The following DNAH8 variants were observed in gnomAD, a reference collection of about 807,000 sequenced individuals.
DNAH8 encodes axonemal beta dynein heavy chain 8.
A neutral mutation model predicts 562.1 loss-of-function variants in DNAH8; 382 were observed. The ratio of observed to expected loss-of-function variants is 0.68; its 90% CI spans 0.63 to 0.74. The LOEUF is 0.74. Among genes scored for constraint, DNAH8 ranks in the 30% least tolerant of loss-of-function variants. The pLI, the probability that DNAH8 is intolerant of heterozygous loss-of-function variation, is 0.00. For missense variants in DNAH8, 5,203 were observed against 5,620.4 expected (o/e 0.93, Z 2.37); for synonymous variants, 1,881 against 1,919.4 (o/e 0.98, Z 0.52).
chr6:38,880,382 G>T (rs1334058447), intron 53 of DNAH8, among the ~76,000 whole-genome samples: 2 of 152,152 alleles, frequency 1.3e-5, no homozygotes, highest in African/African-American at 4.8e-5. Context: ...TAAGGGGACA[G>T]ATCTTATTTA....
At chr6:38,789,697 G>A (rs974467190) in intron 18 of DNAH8, 106 bp from the exon 19 acceptor site, 19 of 738,750 alleles carry the variant, frequency 2.6e-5, no homozygotes, top group Non-Finnish European at 4.2e-5. Context: ...CATGATGACA[G>A]GACTACGAGG....
chr6:38,895,913 T>C, intron 59 of DNAH8, 120 bp from the exon 60 acceptor site: 1 of 762,590 alleles, frequency 1.3e-6, no homozygotes, highest in East Asian at 2.6e-5. Flanking sequence ...GCAGAACATA[T>C]TGTTTCCCTG....
At chr6:38,904,327 T>G (rs1780283485) in intron 62 of DNAH8, among the ~76,000 whole-genome samples, 1 of 152,012 alleles carries the variant, frequency 6.6e-6, no homozygotes, top group Non-Finnish European at 1.5e-5. Context: ...TTTGTGGTCA[T>G]GGGGAGTACG....
Position 38,754,261 on chromosome 6 carries a change from A to G in DNAH8, c.1408-1711A>G, listed in dbSNP as rs925036475. Among the ~76,000 whole-genome samples, 3 of 152,202 alleles carry G rather than the reference A, an allele frequency of 2.0e-5. No homozygotes were observed. The South Asian group carries it at 6.2e-4, about 32-fold the overall frequency. Reference sequence around the variant, plus strand: ...CAGATGAAGGACGTTTTCCTGAAGGACCCATTTGATGCCATCCCTGAGCCC... The same window carrying G: ...CAGATGAAGGACGTTTTCCTGAAGGGCCCATTTGATGCCATCCCTGAGCCC... On this transcript the variant is annotated intron_variant, in intron 9 of 92. Coordinates refer to ENST00000327475, the MANE Select transcript of DNAH8 (RefSeq NM_001206927.2).
chr6:38,941,469 T>C (rs1445871291), intron 79 of DNAH8, among the ~76,000 whole-genome samples: 2 of 152,226 alleles, frequency 1.3e-5, no homozygotes, highest in African/African-American at 4.8e-5. Flanking sequence ...TTCTGGTAGT[T>C]CCAAGGAAGT....
At chr6:38,748,603 G>T (rs1765153914) in intron 8 of DNAH8, among the ~76,000 whole-genome samples, 1 of 151,892 alleles carries the variant, frequency 6.6e-6, no homozygotes, top group Admixed American at 6.6e-5. Context: ...AGAGTGGTCA[G>T]TTAATAATAA....
chr6:38,850,139 C>T (rs947370790), intron 37 of DNAH8, 112 bp from the exon 38 acceptor site: 2 of 981,150 alleles, frequency 2.0e-6, no homozygotes, highest in Non-Finnish European at 3.0e-6. Flanking sequence ...ATTATGCAGC[C>T]TGAGACTAAT....
chr6:38,847,904 C>G (rs888811148), intron 36 of DNAH8, among the ~76,000 whole-genome samples: 1 of 152,198 alleles, frequency 6.6e-6, no homozygotes, highest in Non-Finnish European at 1.5e-5. Flanking sequence ...ATAAACACTT[C>G]AGCAAGCCCT....
Position 38,842,728 on chromosome 6 carries a change from A to G in DNAH8, c.4670A>G (p.Asp1557Gly). The G allele has an allele frequency of 1.2e-6, 2 of 1,613,938 alleles. No homozygotes were observed. Among genetic ancestry groups the G allele is most frequent in the Non-Finnish European group, 8.5e-7 (1 of 1,179,898 alleles). ...QAFLDLKKRIDDFSESCPLLE... is the reference protein window; with the variant it reads ...QAFLDLKKRIGDFSESCPLLE... ...TTTTTGGATCTCAAAAAGAGAATTG[A>G]TGATTTCAGTGAGTCATGTCCTCTA... Residue 1557 changes from aspartate to glycine, a missense_variant, in exon 35 of 93, where the codon GAT (aspartate) becomes GGT (glycine). Asp to Gly is a moderately conservative substitution (Grantham distance 94, BLOSUM62 -1). This residue lies in a region of DNAH8 where 2,176 missense variants were observed against 2,365.1 expected (regional missense o/e 0.92). Transcript: ENST00000327475.
intron 82 of DNAH8, 23 bp from the exon 83 acceptor site, chr6:38,971,569 G>A (rs201227393): frequency 2.7e-5 from 40 of 1,458,082 alleles, no homozygotes; most frequent in Non-Finnish European, 3.6e-5. Context: ...TTTCATCATA[G>A]TGAACTTTCT....
intron 74 of DNAH8, among the ~76,000 whole-genome samples, chr6:38,927,630 T>G (rs1782221299): frequency 6.6e-6 from 1 of 152,134 alleles, no homozygotes; most frequent in African/African-American, 2.4e-5. Flanking sequence ...CCTGGCCCCA[T>G]TCCCCTTGGC....
chr6:38,920,901 A>T (rs1207350734), intron 70 of DNAH8, among the ~76,000 whole-genome samples: 12 of 152,034 alleles, frequency 7.9e-5, no homozygotes, highest in African/African-American at 1.9e-4. Flanking sequence ...AATTAAAAAA[A>T]TTTTTTTGAG....
chr6:38,770,481 C>T lies in DNAH8; in HGVS notation c.1686C>T (p.Ser562=), dbSNP rs1767460299. 1 of 1,607,766 alleles carries T rather than the reference C, an allele frequency of 6.2e-7. No individual in the cohort carries two copies. The highest frequency in any genetic ancestry group is 1.7e-5 in the Admixed American group (1 of 58,694). ...FHKTRKLISE[S]SGEKSFEVSE... ...AAACAAGGAAACTGATTTCAGAATC[C>T]TCAGGGGAAAAATCTTTTGAGGTTT... The change falls in exon 12 of 93, where the codon TCC becomes TCT. Residue 562 remains serine (S), a synonymous_variant. Transcript: ENST00000327475.
At chr6:38,886,504 A>G (rs1302393070) in intron 56 of DNAH8, among the ~76,000 whole-genome samples, 1 of 152,204 alleles carries the variant, frequency 6.6e-6, no homozygotes, top group Non-Finnish European at 1.5e-5. Flanking sequence ...GTATTAATGT[A>G]ATTTAACCAA....
chr6:38,744,577 T>C (rs1295740491), intron 8 of DNAH8, among the ~76,000 whole-genome samples: 1 of 151,140 alleles, frequency 6.6e-6, no homozygotes, highest in African/African-American at 2.4e-5. Flanking sequence ...TGTTTTGTAC[T>C]GATTTATAGG....
At chr6:38,788,493 G>A (rs897022170) in intron 18 of DNAH8, among the ~76,000 whole-genome samples, 1 of 152,126 alleles carries the variant, frequency 6.6e-6, no homozygotes, top group African/African-American at 2.4e-5. Flanking sequence ...TGAGTGTGAG[G>A]TGGTATCTCC....
In DNAH8 at chr6:38,873,245, A is replaced by C; in HGVS notation, c.7489A>C (p.Lys2497Gln). 2 of 1,613,142 alleles carry C rather than the reference A, an allele frequency of 1.2e-6. No individual in the cohort carries two copies. Among genetic ancestry groups the C allele is most frequent in the Non-Finnish European group, 1.7e-6 (2 of 1,179,780 alleles). Reference sequence around the variant, plus strand: ...TGTTTCTTTGTTGCAGGCATGGTTGAAGAAACGCACTGCACAGGAAGCTGC... The same window carrying C: ...TGTTTCTTTGTTGCAGGCATGGTTGCAGAAACGCACTGCACAGGAAGCTGC... ...SWRPILQAWLKKRTAQEAAVF... is the reference protein window; with the variant it reads ...SWRPILQAWLQKRTAQEAAVF... Residue 2497 changes from lysine (K) to glutamine (Q), a missense_variant, in exon 52 of 93, where the codon AAG (lysine) becomes CAG (glutamine). By Grantham distance (53) the Lys-to-Gln change is moderately conservative (BLOSUM62 1). This residue lies in a region of DNAH8 where 977 missense variants were observed against 1,061.8 expected (regional missense o/e 0.92). Coordinates refer to ENST00000327475, the MANE Select transcript of DNAH8 (RefSeq NM_001206927.2).
intron 11 of DNAH8, among the ~76,000 whole-genome samples, chr6:38,767,677 A>G (rs1767150841): frequency 1.3e-5 from 2 of 152,160 alleles, no homozygotes; most frequent in South Asian, 4.1e-4. Context: ...TATAGTCCAT[A>G]TATTTTTATC....
At chr6:38,944,507 G>T (rs1783693972) in intron 79 of DNAH8, among the ~76,000 whole-genome samples, 2 of 152,172 alleles carry the variant, frequency 1.3e-5, no homozygotes, top group Non-Finnish European at 2.9e-5. Flanking sequence ...AAAAGTTAAA[G>T]AATCACTGCT....
Sources: gnomAD v4.1 joint callset for allele counts (sites outside exome capture counted in the v4.1 genomes callset) on GRCh38, gnomAD v4.1.1 for gene constraint, gnomAD v4.1.1 regional missense constraint, MANE v1.5 for transcripts, NCBI Gene and HGNC (gene_info 2026-07-23, HGNC 2026-07-21) for gene names.